Variants in XRRA1 observed in about 807,000 individuals in gnomAD.
XRRA1 encodes X-ray radiation resistance-associated protein 1.
XRRA1 carries 69 observed loss-of-function variants against 80.2 expected under a neutral mutation model. The observed-to-expected ratio is 0.86, with a 90% CI of 0.71 to 1.05. The LOEUF (loss-of-function observed/expected upper bound fraction) is 1.05, where lower values mean the gene tolerates loss of function less well. Ranked by LOEUF, XRRA1 falls within the 50% of genes least tolerant of loss-of-function variation. XRRA1 has a pLI of 0.00. For missense variants in XRRA1, 967 were observed against 976.4 expected, an observed-to-expected ratio of 0.99 and a Z score of 0.13; for synonymous variants, 348 against 389.9, an observed-to-expected ratio of 0.89 and a Z score of 1.27.
At chr11:74,862,877 G>C in intron 11 of XRRA1, 104 bp downstream of exon 11, 1 of 1,043,950 alleles carries the variant, frequency 9.6e-7, no homozygotes, top group Non-Finnish European at 1.4e-6. Flanking sequence ...TCCTCAGTGT[G>C]ATCTATAGAA....
At position 74,843,192 on chromosome 11, in the gene XRRA1, G is replaced by A. The variant is rs1436992164; in HGVS notation, c.*8C>T. 2 of 1,551,770 alleles carry A rather than the reference G, an allele frequency of 1.3e-6. No homozygotes were observed. The highest frequency in any genetic ancestry group is 1.2e-5 in the South Asian group (1 of 83,940). ...GCCGGGTGGTGCACACAGCCCCCAT[G>A]CACAGCTCTAGCCTTGTGAGTCACT... is the stretch of plus-strand genomic sequence containing the variant. On this transcript the variant is annotated 3_prime_UTR_variant, in exon 19 of 19. Transcript: ENST00000684022.
Position 74,842,970 on chromosome 11 carries a change from G to T in XRRA1, c.*230C>A. The T allele has an allele frequency of 1.8e-6, 1 of 562,952 alleles. No individual in the cohort carries two copies. The highest frequency in any genetic ancestry group is 2.6e-5 in the South Asian group (1 of 38,970). 34.9% of individuals were successfully genotyped at this position (562,952 alleles called of 1,614,324 possible). A position where few individuals can be genotyped will look rare whatever the true frequency, so the allele number is the denominator to read the frequency against. On this transcript the variant is annotated 3_prime_UTR_variant, in exon 19 of 19. Coordinates refer to ENST00000684022, the MANE Select transcript of XRRA1 (RefSeq NM_001378157.1). ...GAATGCATGTGGCACCCAGTCTATT[G>T]CCCTGTGCACCCACTCTTTATTGCC...
At chr11:74,893,411 G>C (rs1289960445) in intron 10 of XRRA1, among the ~76,000 whole-genome samples, 6 of 151,358 alleles carry the variant, frequency 4.0e-5, no homozygotes, top group African/African-American at 2.4e-5. Flanking sequence ...GTTGTGGGGT[G>C]GGGGAGGGGG....
At chr11:74,899,243 A>C (rs1034089675) in intron 10 of XRRA1, among the ~76,000 whole-genome samples, 1 of 152,160 alleles carries the variant, frequency 6.6e-6, no homozygotes, top group Non-Finnish European at 1.5e-5. Context: ...ACCAAAACAT[A>C]TAAGATACAG....
chr11:74,852,186 G>T, intron 12 of XRRA1, 104 bp from the exon 13 acceptor site: 1 of 909,316 alleles, frequency 1.1e-6, no homozygotes. Flanking sequence ...CTAGGATTGG[G>T]GGTGGTATTG....
intron 5 of XRRA1, chr11:74,931,685 T>C (rs1031192561): frequency 6.6e-6 from 1 of 152,212 alleles, no homozygotes; most frequent in Non-Finnish European, 1.5e-5. Context: ...TGCAAGTTTA[T>C]TCATTCTCAT....
At chr11:74,892,851 A>G (rs1252740061) in intron 10 of XRRA1, among the ~76,000 whole-genome samples, 2 of 151,768 alleles carry the variant, frequency 1.3e-5, no homozygotes, top group Non-Finnish European at 3.0e-5. Flanking sequence ...CAAAACCACA[A>G]TGAGATACCA....
intron 10 of XRRA1, among the ~76,000 whole-genome samples, chr11:74,903,214 A>G (rs1161559212): frequency 2.6e-5 from 4 of 152,220 alleles, no homozygotes; most frequent in Admixed American, 6.5e-5. Flanking sequence ...TCTGTCATCC[A>G]TCAATCCCAC....
At chr11:74,883,802 G>C (rs2048341539) in intron 10 of XRRA1, among the ~76,000 whole-genome samples, 1 of 152,158 alleles carries the variant, frequency 6.6e-6, no homozygotes, top group Non-Finnish European at 1.5e-5. Flanking sequence ...TCCTCAGGGG[G>C]GAAATATGAT....
chr11:74,935,265 T>A (rs1401622004), intron 4 of XRRA1, among the ~76,000 whole-genome samples: 1 of 152,208 alleles, frequency 6.6e-6, no homozygotes, highest in Non-Finnish European at 1.5e-5. Flanking sequence ...TGCAGCCATC[T>A]CAGGATCATG....
intron 10 of XRRA1, among the ~76,000 whole-genome samples, chr11:74,877,454 T>C (rs979737606): frequency 6.9e-6 from 1 of 144,080 alleles, no homozygotes; most frequent in Non-Finnish European, 1.5e-5. Context: ...AATGGGATTC[T>C]TTTTTTTTAT....
chr11:74,864,369 A>G (rs2042942228), intron 10 of XRRA1, among the ~76,000 whole-genome samples: 1 of 152,248 alleles, frequency 6.6e-6, no homozygotes, highest in South Asian at 2.1e-4. Context: ...ATGGTGGAAT[A>G]GAAAGTAACC....
In XRRA1 at chr11:74,864,396, C is replaced by T. The variant is rs969559046; in HGVS notation, c.1004-1375G>A. Among the ~76,000 whole-genome samples, 3 of 152,208 alleles carry T rather than the reference C, an allele frequency of 2.0e-5. No individual in the cohort carries two copies. The East Asian group carries it at 5.8e-4, about 29-fold the overall frequency. On this transcript the variant is annotated intron_variant, in intron 10 of 18. Transcript: ENST00000684022. ...AAAGTAACCCACTCATGTCCCCTCA[C>T]AACCACAAAAATTCCACACCCGCCC...
rs754130946 is a variant in XRRA1, at chr11:74,843,339, G to A, written c.2264C>T (p.Ser755Phe). 1.2e-6 allele frequency: 2 copies of A among 1,609,700 alleles called. No homozygotes were observed. The highest frequency in any genetic ancestry group is 2.2e-5 in the East Asian group (1 of 44,652). The change falls in exon 19 of 19, where the codon TCT becomes TTT. Residue 755 changes from serine (S) to phenylalanine (F), a missense_variant. By Grantham distance (155) the Ser-to-Phe change is radical. Coordinates refer to ENST00000684022, the MANE Select transcript of XRRA1 (RefSeq NM_001378157.1). ...GGTAGTCCCGAACACTGTGCGCAGA[G>A]AGCCACTCACCAGCTGCCGGTAACG... ...QARYRQLVSGSLRTVFGTTPL... is the reference protein window; with the variant it reads ...QARYRQLVSGFLRTVFGTTPL...
intron 10 of XRRA1, among the ~76,000 whole-genome samples, chr11:74,882,148 A>C (rs1452659955): frequency 1.3e-5 from 2 of 152,156 alleles, no homozygotes; most frequent in Non-Finnish European, 2.9e-5. Flanking sequence ...GGTACACCAA[A>C]TCAGACGTAG....
Position 74,895,681 on chromosome 11 carries a change from G to A in XRRA1, c.1003+10558C>T, listed in dbSNP as rs188167451. ...AAAGTGTCTCCTTCCTTCTACTTAAGGAGAGGAGAGCTAGTAAAGAAGATT... is the reference window on the plus strand; with the variant it reads ...AAAGTGTCTCCTTCCTTCTACTTAAAGAGAGGAGAGCTAGTAAAGAAGATT... On this transcript the variant is annotated intron_variant, in intron 10 of 18. Transcript: ENST00000684022. Among the ~76,000 whole-genome samples the A allele has an allele frequency of 5.0e-3, 762 of 152,310 alleles. 5 individuals carry two copies. Among genetic ancestry groups the A allele is most frequent in the African/African-American group, 0.017 (721 of 41,562 alleles).
chr11:74,863,651 C>T (rs2042784013), intron 10 of XRRA1: 2 of 152,442 alleles, frequency 1.3e-5, no homozygotes, highest in Admixed American at 1.3e-4. Context: ...AGCATAGCAT[C>T]TGCTGGGACT....
At chr11:74,885,089 C>A (rs1565320463) in intron 10 of XRRA1, among the ~76,000 whole-genome samples, 1 of 151,904 alleles carries the variant, frequency 6.6e-6, no homozygotes, top group Non-Finnish European at 1.5e-5. Flanking sequence ...CACAGTGAGA[C>A]CTTGTCTCTA....
chr11:74,927,517 G>A (rs774191439), intron 6 of XRRA1, 29 bp from the exon 7 acceptor site: 3 of 1,453,714 alleles, frequency 2.1e-6, no homozygotes, highest in Non-Finnish European at 2.9e-6. Flanking sequence ...GAGAGAGTCT[G>A]CAGCTTGTAA....
Sources: allele counts gnomAD v4.1 joint callset (sites outside exome capture counted in the v4.1 genomes callset), GRCh38; gene constraint gnomAD v4.1.1; transcripts MANE v1.5; gene names NCBI Gene and HGNC (gene_info 2026-07-23, HGNC 2026-07-21).